The following DMD variants were observed in gnomAD, a reference collection of about 807,000 sequenced individuals.
DMD encodes mutant dystrophin.
In DMD, 63 loss-of-function variants were observed where a neutral mutation model predicts 330.1. The observed-to-expected ratio is 0.19, with a 90% CI of 0.16 to 0.24. The LOEUF (loss-of-function observed/expected upper bound fraction) is 0.24, where lower values mean the gene tolerates loss of function less well. DMD is among the 10% of genes least tolerant of loss of function. The pLI is 1.00. For missense variants in DMD, 3,344 were observed against 2,684.1 expected (o/e 1.25, Z -5.43); for synonymous variants, 1,223 against 959.8 (o/e 1.27, Z -5.07).
At chrX:32,182,786 A>C (rs886099925) in intron 44 of DMD, among the ~76,000 whole-genome samples, 3 of 111,405 alleles carry the variant, frequency 2.7e-5, no homozygotes, top group Non-Finnish European at 5.7e-5. Context: ...TATCTGACAA[A>C]AGTTAGTGCT....
chrX:32,815,544 T>C (rs867124424), intron 6 of DMD, among the ~76,000 whole-genome samples: 4 of 86,676 alleles, frequency 4.6e-5, no homozygotes, highest in East Asian at 3.3e-4. Flanking sequence ...CACATATATA[T>C]ACATATATAG....
At chrX:33,302,660 T>C (rs887327132) in intron 1 of DMD, among the ~76,000 whole-genome samples, 2 of 111,030 alleles carry the variant, frequency 1.8e-5, no homozygotes, top group African/African-American at 6.5e-5. Context: ...GAGAGGAAGG[T>C]ACAGAGATTT....
intron 2 of DMD, among the ~76,000 whole-genome samples, chrX:33,008,825 TAC>T (rs1411691342): frequency 0.067 from 4,485 of 67,060 alleles, 323 homozygotes; most frequent in East Asian, 0.1. Context: ...CATAAATGTA[TAC>T]GTATATATAT....
chrX:32,832,672 A>C (rs1187753518), intron 4 of DMD, among the ~76,000 whole-genome samples: 3 of 111,994 alleles, frequency 2.7e-5, no homozygotes, highest in African/African-American at 9.7e-5. Flanking sequence ...AAGTAGTTTC[A>C]TTGCCCTGCA....
At chrX:31,808,686 T>C (rs1459338097) in intron 50 of DMD, among the ~76,000 whole-genome samples, 1 of 111,449 alleles carries the variant, frequency 9.0e-6, no homozygotes, top group Non-Finnish European at 1.9e-5. Context: ...AACTGGGTCC[T>C]GACCTTGAAA....
chrX:32,522,610 A>C (rs1220407142), intron 17 of DMD, among the ~76,000 whole-genome samples: 2 of 112,450 alleles, frequency 1.8e-5, no homozygotes, highest in African/African-American at 6.5e-5. Flanking sequence ...CTTAGAATAA[A>C]GAACAAAATT....
At chrX:32,652,207 A>C (rs2060208114) in intron 9 of DMD, among the ~76,000 whole-genome samples, 1 of 110,301 alleles carries the variant, frequency 9.1e-6, no homozygotes, top group Non-Finnish European at 1.9e-5. Context: ...ACATATGTAT[A>C]CATGTGCCAT....
At chrX:31,680,854 C>A (rs1448370004) in intron 52 of DMD, among the ~76,000 whole-genome samples, 1 of 111,587 alleles carries the variant, frequency 9.0e-6, no homozygotes, top group Non-Finnish European at 1.9e-5. Flanking sequence ...TTTTTCTATG[C>A]AACTTCTCTA....
At chrX:32,124,099 A>G (rs1434551977) in intron 44 of DMD, among the ~76,000 whole-genome samples, 1 of 111,992 alleles carries the variant, frequency 8.9e-6, no homozygotes, top group East Asian at 2.8e-4. Flanking sequence ...AGTATACTCA[A>G]TGCTGGAAAT....
intron 59 of DMD, among the ~76,000 whole-genome samples, chrX:31,468,359 C>A (rs7049511): frequency 0.21 from 23,717 of 110,994 alleles, 2,355 homozygotes; most frequent in African/African-American, 0.39. Flanking sequence ...AGATTCTGGT[C>A]CGTTGTGTAT....
At chrX:31,926,436 G>A (rs1255208921) in intron 47 of DMD, among the ~76,000 whole-genome samples, 2 of 111,227 alleles carry the variant, frequency 1.8e-5, no homozygotes, top group African/African-American at 6.5e-5. Flanking sequence ...CCGCACTTTC[G>A]GAGGCTGAGG....
At chrX:32,645,866 C>T in intron 9 of DMD, among the ~76,000 whole-genome samples, 1 of 111,627 alleles carries the variant, frequency 9.0e-6, no homozygotes, top group Non-Finnish European at 1.9e-5. Flanking sequence ...CCGTCTGGAC[C>T]CTAAAGCCAA....
rs779384906 is a variant in DMD, at chrX:32,626,594, G to A, written c.1332-12141C>T. Among the ~76,000 whole-genome samples the A allele has an allele frequency of 2.9e-5, 3 of 105,205 alleles. No individual in the cohort carries two copies. In the East Asian group the frequency reaches 8.4e-4, roughly 30 times the overall value. The allele number at this position is 105,205 out of a possible 115,157, so 91.4% of individuals were successfully genotyped here. A position where few individuals can be genotyped will look rare whatever the true frequency, so the allele number is the denominator to read the frequency against. On this transcript the variant is annotated intron_variant, in intron 11 of 78. Transcript: ENST00000357033. ...TGCAACTAGATGCTTCTAGAATGCT[G>A]TCATCTGCTTAAATAAGTAATTTTT...
intron 50 of DMD, among the ~76,000 whole-genome samples, chrX:31,799,031 T>G (rs986236486): frequency 1.3e-4 from 14 of 111,990 alleles, no homozygotes; most frequent in African/African-American, 4.5e-4. Flanking sequence ...TCACTCCCCT[T>G]TGGTACTCCT....
chrX:31,936,235 G>A (rs1300249189), intron 45 of DMD, among the ~76,000 whole-genome samples: 1 of 110,965 alleles, frequency 9.0e-6, no homozygotes, highest in Non-Finnish European at 1.9e-5. Flanking sequence ...TTTGAATCAT[G>A]TATCTGCTGG....
Position 32,468,561 on chromosome X carries a change from G to A in DMD, c.3099C>T (p.Ser1033=), listed in dbSNP as rs1385834445. ...EEIEGRWKKL[S]SQLVEHCQKL... ...TTTGACAATGCTCAACCAGCTGGGA[G>A]GAGAGCTTCTTCCAGCGTCCCTCAA... Residue 1033 remains serine (S), a synonymous_variant, in exon 23 of 79, where the codon TCC becomes TCT. Coordinates refer to ENST00000357033, the MANE Select transcript of DMD (RefSeq NM_004006.3). The A allele has an allele frequency of 8.3e-7, 1 of 1,210,769 alleles. No homozygotes were observed. The highest frequency in any genetic ancestry group is 3.0e-5 in the East Asian group (1 of 33,764).
chrX:31,442,881 TA>T (rs1230957561), intron 60 of DMD, among the ~76,000 whole-genome samples: 8 of 111,210 alleles, frequency 7.2e-5, no homozygotes, highest in African/African-American at 2.6e-4. Flanking sequence ...CGATGCCACT[TA>T]TAACAATCTA....
chrX:32,083,548 T>A (rs1203877932), intron 44 of DMD, among the ~76,000 whole-genome samples: 1 of 111,487 alleles, frequency 9.0e-6, no homozygotes, highest in Non-Finnish European at 1.9e-5. Flanking sequence ...TGAGCCACCA[T>A]GCCTGGCCCT....
intron 2 of DMD, among the ~76,000 whole-genome samples, chrX:32,920,465 T>C (rs1478071127): frequency 3.6e-5 from 4 of 110,069 alleles, no homozygotes; most frequent in African/African-American, 1.0e-4. Flanking sequence ...TTGGAGAGTC[T>C]ACATTCTCCT....
Sources: gnomAD v4.1 joint callset for allele counts (sites outside exome capture counted in the v4.1 genomes callset) on GRCh38, gnomAD v4.1.1 for gene constraint, MANE v1.5 for transcripts, NCBI Gene and HGNC (gene_info 2026-07-23, HGNC 2026-07-21) for gene names.